The following MALT1 variants were observed in gnomAD, a reference collection of about 807,000 sequenced individuals.
The protein encoded by MALT1 is MALT1 paracaspase, also known as mucosa-associated lymphoid tissue lymphoma translocation protein 1.
In MALT1, 36 loss-of-function variants were observed where a neutral mutation model predicts 85.5. The observed-to-expected ratio is 0.42, with a 90% CI of 0.32 to 0.56. The LOEUF (loss-of-function observed/expected upper bound fraction) is 0.56, where lower values mean the gene tolerates loss of function less well. Among genes scored for constraint, MALT1 ranks in the 20% least tolerant of loss-of-function variants. The probability of loss-of-function intolerance (pLI) is 0.10; values close to 1 mark genes in which losing one functional copy is unlikely to be tolerated. For missense variants in MALT1, 716 were observed against 981.6 expected, an observed-to-expected ratio of 0.73 and a Z score of 3.62; for synonymous variants, 359 against 361.3, an observed-to-expected ratio of 0.99 and a Z score of 0.07.
At chr18:58,686,928 C>T (rs1028938580) in intron 2 of MALT1, among the ~76,000 whole-genome samples, 2 of 152,114 alleles carry the variant, frequency 1.3e-5, no homozygotes, top group Non-Finnish European at 2.9e-5. Context: ...GATCATTTGG[C>T]CAAAGTCACA....
At chr18:58,713,730 T>A (rs901327708) in intron 7 of MALT1, among the ~76,000 whole-genome samples, 8 of 152,232 alleles carry the variant, frequency 5.3e-5, no homozygotes, top group African/African-American at 1.7e-4. Context: ...TCACAGTAGT[T>A]CTGTAAACCT....
intron 2 of MALT1, among the ~76,000 whole-genome samples, chr18:58,693,247 C>G (rs750880485): frequency 2.6e-5 from 4 of 152,048 alleles, no homozygotes; most frequent in Non-Finnish European, 5.9e-5. Flanking sequence ...ATGGTGAAAC[C>G]CCGTCTTTGC....
intron 1 of MALT1, among the ~76,000 whole-genome samples, chr18:58,678,220 C>T (rs946557292): frequency 1.3e-5 from 2 of 152,092 alleles, no homozygotes; most frequent in African/African-American, 4.8e-5. Context: ...AGTATAAATG[C>T]TATGACAGCA....
At chr18:58,747,315 G>T in intron 16 of MALT1, 90 bp from the exon 17 acceptor site, 1 of 789,286 alleles carries the variant, frequency 1.3e-6, no homozygotes. Context: ...GTGGATTTTT[G>T]GGGGTGGGGG....
chr18:58,744,277 T>C, intron 14 of MALT1, 61 bp from the exon 15 acceptor site: 4 of 1,146,494 alleles, frequency 3.5e-6, no homozygotes, highest in Non-Finnish European at 5.0e-6. Flanking sequence ...TTCTCCTCCA[T>C]AAATATTTGC....
chr18:58,681,939 T>C (rs949488565), intron 2 of MALT1, among the ~76,000 whole-genome samples: 2 of 152,190 alleles, frequency 1.3e-5, no homozygotes, highest in African/African-American at 2.4e-5. Context: ...TCCTCTCAGC[T>C]GCAGATAGAG....
At chr18:58,696,753 C>T (rs760061497) in intron 3 of MALT1, among the ~76,000 whole-genome samples, 7 of 152,126 alleles carry the variant, frequency 4.6e-5, no homozygotes, top group South Asian at 2.1e-4. Flanking sequence ...GCAGTGTTAG[C>T]GAGTATAAAA....
Position 58,722,997 on chromosome 18 carries a change from G to GT in MALT1, c.1019-47dup, listed in dbSNP as rs760937250. ...TTATAATACCATCTCCATAGGTTTTGTTTTAATCTTTATATCTTCTTTAAA... is the reference window on the plus strand; with the variant it reads ...TTATAATACCATCTCCATAGGTTTTGTTTTTAATCTTTATATCTTCTTTAAA... On this transcript the variant is annotated intron_variant, in intron 9 of 16. Transcript: ENST00000649217. The GT allele has an allele frequency of 3.7e-6, 5 of 1,333,444 alleles. No homozygotes were observed. The African/African-American group carries it at 7.3e-5, about 19-fold the overall frequency. 82.6% of individuals were successfully genotyped at this position (1,333,444 alleles called of 1,614,324 possible).
intron 1 of MALT1, among the ~76,000 whole-genome samples, chr18:58,675,105 G>A (rs2054221501): frequency 6.6e-6 from 1 of 152,184 alleles, no homozygotes; most frequent in South Asian, 2.1e-4. Flanking sequence ...ATTCAAGACT[G>A]ACCTGGACAC....
rs1369695372 is a variant in MALT1 at position 58,747,644 on chromosome 18, T to C, written c.2277T>C (p.Gly759=). The change falls in exon 17 of 17, where the codon GGT becomes GGC. Residue 759 remains glycine, a synonymous_variant. Coordinates refer to ENST00000649217, the MANE Select transcript of MALT1 (RefSeq NM_006785.4). The part of the protein sequence containing the change: ...HYHSLQDPFH[G]VYHSHPGNPS... The stretch of plus-strand genomic sequence containing the variant: ...ACTCATTGCAAGACCCATTCCATGG[T>C]GTTTACCATTCACATCCTGGTAATC... 1.2e-6 allele frequency: 2 copies of C among 1,614,184 alleles called. No individual in the cohort carries two copies. Among genetic ancestry groups the C allele is most frequent in the Admixed American group, 1.7e-5 (1 of 60,028 alleles).
At chr18:58,708,144 T>C (rs1443241415) in intron 4 of MALT1, among the ~76,000 whole-genome samples, 2 of 152,188 alleles carry the variant, frequency 1.3e-5, no homozygotes, top group African/African-American at 4.8e-5. Flanking sequence ...AGGGTTTCCC[T>C]CAGGCCTCTG....
At chr18:58,731,061 C>T (rs896976065) in intron 10 of MALT1, among the ~76,000 whole-genome samples, 2 of 152,140 alleles carry the variant, frequency 1.3e-5, no homozygotes, top group Non-Finnish European at 2.9e-5. Context: ...AAGCGATTCT[C>T]CTGCCTTAGC....
intron 2 of MALT1, among the ~76,000 whole-genome samples, chr18:58,696,091 TGAA>T (rs2054582920): frequency 6.6e-6 from 1 of 152,142 alleles, no homozygotes; most frequent in African/African-American, 2.4e-5. Context: ...TTCTAGAAAT[TGAA>T]GAAATATGGT....
chr18:58,671,775 C>T lies in MALT1; in HGVS notation c.132C>T (p.Leu44=), dbSNP rs986681540. The T allele has an allele frequency of 3.2e-5, 40 of 1,256,616 alleles. No individual in the cohort carries two copies. Among genetic ancestry groups the T allele is most frequent in the Non-Finnish European group, 4.0e-5 (40 of 1,002,038 alleles). 77.8% of individuals were successfully genotyped at this position (1,256,616 alleles called of 1,614,324 possible). A position where few individuals can be genotyped will look rare whatever the true frequency, so the allele number is the denominator to read the frequency against. The change falls in exon 1 of 17, where the codon CTC becomes CTT. Residue 44 remains leucine, a synonymous_variant. Coordinates refer to ENST00000649217, the MANE Select transcript of MALT1 (RefSeq NM_006785.4). ...REPLLRRLSE[L]LDQAPEGRGW... ...CGCTGCTGCGGAGGCTCAGCGAGCT[C>T]CTGGATCAGGCGCCCGAGGGCCGGG...
intron 3 of MALT1, among the ~76,000 whole-genome samples, chr18:58,698,214 G>T (rs1386268528): frequency 6.6e-6 from 1 of 151,820 alleles, no homozygotes; most frequent in African/African-American, 2.4e-5. Context: ...TTACAGGCGC[G>T]CATCACCACG....
chr18:58,696,627 C>A, intron 3 of MALT1, 140 bp downstream of exon 3: 3 of 578,296 alleles, frequency 5.2e-6, no homozygotes, highest in East Asian at 3.3e-5. Flanking sequence ...CTGAAGTAGT[C>A]AATAGTCATT....
chr18:58,693,948 A>T (rs1050953070), intron 2 of MALT1, among the ~76,000 whole-genome samples: 1 of 152,206 alleles, frequency 6.6e-6, no homozygotes, highest in East Asian at 1.9e-4. Flanking sequence ...GAATCTTTGT[A>T]TTTTAAAGTT....
chr18:58,677,647 C>A (rs767662943), intron 1 of MALT1: 1 of 151,386 alleles, frequency 6.6e-6, no homozygotes, highest in Non-Finnish European at 1.5e-5. Context: ...ACTTTAACAC[C>A]TAAAAATGGA....
intron 14 of MALT1, among the ~76,000 whole-genome samples, chr18:58,743,204 A>C (rs750366614): frequency 1.3e-5 from 2 of 152,040 alleles, no homozygotes; most frequent in Admixed American, 6.6e-5. Flanking sequence ...GTGAAACTCC[A>C]TCTCTACTAA....
Sources: gnomAD v4.1 joint callset for allele counts (sites outside exome capture counted in the v4.1 genomes callset) on GRCh38, gnomAD v4.1.1 for gene constraint, MANE v1.5 for transcripts, NCBI Gene and HGNC (gene_info 2026-07-23, HGNC 2026-07-21) for gene names.